The following ERCC6L2 variants were observed in gnomAD, a reference collection of about 807,000 sequenced individuals.
ERCC6L2 encodes ERCC excision repair 6 like 2.
In ERCC6L2, 77 loss-of-function variants were observed where a neutral mutation model predicts 132.0. The observed-to-expected ratio is 0.58, with a 90% CI of 0.49 to 0.71. The LOEUF is 0.71. Among genes scored for constraint, ERCC6L2 ranks in the 30% least tolerant of loss-of-function variants. The probability of loss-of-function intolerance (pLI) is 0.00; values close to 1 mark genes in which losing one functional copy is unlikely to be tolerated. For missense variants in ERCC6L2, 1,542 were observed against 1,837.6 expected, an observed-to-expected ratio of 0.84 and a Z score of 2.94; for synonymous variants, 583 against 632.4, an observed-to-expected ratio of 0.92 and a Z score of 1.17.
At position 95,970,628 on chromosome 9, in the gene ERCC6L2, A is replaced by G; in HGVS notation, c.2153A>G (p.Glu718Gly). ...GIMTATTWLK[E>G]GPPAHKLEMP... ...ATGACAGCCACAACATGGTTGAAAG[A>G]GGGACCTCCAGCACACAAACTGGAA... The change falls in exon 15 of 19, where the codon GAG (glutamate) becomes GGG (glycine). Residue 718 changes from glutamate to glycine, a missense_variant. Glu to Gly is a moderately conservative substitution (Grantham distance 98, BLOSUM62 -2). Coordinates refer to ENST00000653738, the MANE Select transcript of ERCC6L2 (RefSeq NM_020207.7). 1 of 1,303,938 alleles carries G rather than the reference A, an allele frequency of 7.7e-7. No individual in the cohort carries two copies. The highest frequency in any genetic ancestry group is 1.2e-5 in the South Asian group (1 of 80,908). The allele number at this position is 1,303,938 out of a possible 1,614,324, so 80.8% of individuals were successfully genotyped here. A position where few individuals can be genotyped will look rare whatever the true frequency, so the allele number is the denominator to read the frequency against.
At chr9:95,910,689 T>C (rs1477698681) in intron 4 of ERCC6L2, among the ~76,000 whole-genome samples, 1 of 152,212 alleles carries the variant, frequency 6.6e-6, no homozygotes, top group East Asian at 1.9e-4. Flanking sequence ...TGAATATAAT[T>C]ATTGGTAAAA....
At chr9:95,981,634 G>A (rs1489773662) in intron 17 of ERCC6L2, among the ~76,000 whole-genome samples, 2 of 152,146 alleles carry the variant, frequency 1.3e-5, no homozygotes, top group African/African-American at 4.8e-5. Context: ...GTCTGACTTA[G>A]GTTTAAGCTC....
At chr9:95,946,001 A>C (rs542084212) in intron 12 of ERCC6L2, among the ~76,000 whole-genome samples, 1 of 152,014 alleles carries the variant, frequency 6.6e-6, no homozygotes, top group South Asian at 2.1e-4. Context: ...GAAGTTGAAA[A>C]TAAGATAAAA....
At position 95,923,298 on chromosome 9, in the gene ERCC6L2, C is replaced by T; in HGVS notation, c.1452C>T (p.Ser484=). ...AAAGGATATGTGATCAGGTATTTTC[C>T]AGATTCCCAGATTTTGTGCAGAAAA... is the stretch of plus-strand genomic sequence containing the variant. The part of the protein sequence containing the change: ...LIKRICDQVF[S]RFPDFVQKSK... Residue 484 remains serine (S), a synonymous_variant, in exon 9 of 19, where the codon TCC becomes TCT. Coordinates refer to ENST00000653738, the MANE Select transcript of ERCC6L2 (RefSeq NM_020207.7). 1 of 1,613,782 alleles carries T rather than the reference C, an allele frequency of 6.2e-7. No homozygotes were observed. The highest frequency in any genetic ancestry group is 8.5e-7 in the Non-Finnish European group (1 of 1,179,830).
In ERCC6L2 at chr9:95,973,235, T is replaced by C. The variant is rs935517236; in HGVS notation, c.3337+147T>C. ...AATAAGGAACGGTTGGGTAGCAGGA[T>C]AAATGGGAGACCACATATAGGTCAA... is the stretch of plus-strand genomic sequence containing the variant. On this transcript the variant is annotated intron_variant, in intron 16 of 18. Transcript: ENST00000653738. 2.4e-5 allele frequency: 11 copies of C among 463,368 alleles called. No individual in the cohort carries two copies. In the Admixed American group the frequency reaches 3.2e-4, roughly 13 times the overall value. The allele number at this position is 463,368 out of a possible 1,614,324, so 28.7% of individuals were successfully genotyped here.
At position 96,016,209 on chromosome 9, in the gene ERCC6L2, G is replaced by C. The variant is rs12001300; in HGVS notation, c.*3006G>C. 7.9e-5 allele frequency among the ~76,000 whole-genome samples: 12 copies of C among 152,160 alleles called. No individual in the cohort carries two copies. Among genetic ancestry groups the C allele is most frequent in the African/African-American group, 2.9e-4 (12 of 41,446 alleles). On this transcript the variant is annotated 3_prime_UTR_variant, in exon 19 of 19. Coordinates refer to ENST00000653738, the MANE Select transcript of ERCC6L2 (RefSeq NM_020207.7). ...TGATGGATTAGATCAGTGGTGGTCA[G>C]CCATTTTCTTAAAGCAACTGAACTG...
downstream of ERCC6L2, chr9:96,020,461 G>A: frequency 3.2e-6 from 1 of 316,176 alleles, no homozygotes. Context: ...TGACATGCCA[G>A]CAAAGGGCAA....
At chr9:96,023,965 A>G (rs1255421055) in intron 19 of ERCC6L2, among the ~76,000 whole-genome samples, 2 of 152,202 alleles carry the variant, frequency 1.3e-5, no homozygotes, top group African/African-American at 4.8e-5. Context: ...TCTCTTCCTC[A>G]TGATGGGTAT....
intron 1 of ERCC6L2, among the ~76,000 whole-genome samples, chr9:95,878,320 A>G (rs1827398794): frequency 6.6e-6 from 1 of 152,248 alleles, no homozygotes; most frequent in Non-Finnish European, 1.5e-5. Context: ...AATGTTTGCC[A>G]GCCTTTGCTT....
Position 95,881,170 on chromosome 9 carries a change from T to G in ERCC6L2, c.348T>G (p.Pro116=), listed in dbSNP as rs2132514367. 1 of 1,613,598 alleles carries G rather than the reference T, an allele frequency of 6.2e-7. No individual in the cohort carries two copies. Among genetic ancestry groups the G allele is most frequent in the Non-Finnish European group, 8.5e-7 (1 of 1,179,836 alleles). The change falls in exon 2 of 19, where the codon CCT becomes CCG. Residue 116 remains proline (P), a synonymous_variant. Coordinates refer to ENST00000653738, the MANE Select transcript of ERCC6L2 (RefSeq NM_020207.7). ...TATCTGACAATGGAGACTCTATTCCTTATACCATCAATAGGTATTTGAGAG... is the reference window on the plus strand; with the variant it reads ...TATCTGACAATGGAGACTCTATTCCGTATACCATCAATAGGTATTTGAGAG... ...FKLSDNGDSI[P]YTINRYLRDY...
chr9:95,966,843 GA>G (rs1832183558), intron 14 of ERCC6L2, 129 bp downstream of exon 14: 1 of 647,532 alleles, frequency 1.5e-6, no homozygotes, highest in Non-Finnish European at 2.3e-6. Context: ...AAATGCCTTG[GA>G]ATTTTTACTT....
intron 19 of ERCC6L2, among the ~76,000 whole-genome samples, chr9:96,028,559 CAGAG>C (rs1417272917): frequency 6.6e-6 from 1 of 152,168 alleles, no homozygotes; most frequent in Non-Finnish European, 1.5e-5. Flanking sequence ...CCTTCTGTCT[CAGAG>C]AGGTTGTCCT....
rs376456436 is a variant in ERCC6L2 at position 95,978,228 on chromosome 9, T to C, written c.3492+13T>C. ...TTGCAGTTCTAAGGTAAGAAAAATA[T>C]AGGGTAGTATCATCTTTAGTTACCT... On this transcript the variant is annotated intron_variant, in intron 17 of 18. Transcript: ENST00000653738. The C allele has an allele frequency of 5.9e-6, 8 of 1,348,862 alleles. No homozygotes were observed. Among genetic ancestry groups the C allele is most frequent in the Admixed American group, 2.0e-5 (1 of 49,428 alleles). The allele number at this position is 1,348,862 out of a possible 1,614,324, so 83.6% of individuals were successfully genotyped here. A position where few individuals can be genotyped will look rare whatever the true frequency, so the allele number is the denominator to read the frequency against.
chr9:95,953,436 C>T (rs557924157), intron 12 of ERCC6L2, among the ~76,000 whole-genome samples: 8 of 151,914 alleles, frequency 5.3e-5, no homozygotes, highest in African/African-American at 1.2e-4. Flanking sequence ...AATAGCTGGG[C>T]GTGGTGGTGG....
At chr9:95,966,738 T>A (rs897735895) in intron 14 of ERCC6L2, 24 bp downstream of exon 14, 5 of 1,382,288 alleles carry the variant, frequency 3.6e-6, no homozygotes, top group Middle Eastern at 1.9e-4. Context: ...CTCTGACCTT[T>A]TCAATAATAT....
At chr9:95,895,711 T>C (rs1419787326) in intron 2 of ERCC6L2, among the ~76,000 whole-genome samples, 1 of 151,742 alleles carries the variant, frequency 6.6e-6, no homozygotes, top group African/African-American at 2.4e-5. Flanking sequence ...CTGACTCATA[T>C]ACATTTGTTG....
chr9:95,904,789 G>A (rs1189022206), intron 3 of ERCC6L2, among the ~76,000 whole-genome samples: 1 of 152,104 alleles, frequency 6.6e-6, no homozygotes, highest in Non-Finnish European at 1.5e-5. Context: ...GGTTCCTGAG[G>A]AATCAGATTT....
intron 13 of ERCC6L2, among the ~76,000 whole-genome samples, chr9:95,960,391 G>A (rs191489136): frequency 1.3e-5 from 2 of 152,114 alleles, no homozygotes; most frequent in Non-Finnish European, 2.9e-5. Flanking sequence ...ATTGTAAATG[G>A]TACTTTATAT....
At chr9:96,004,865 A>G (rs889580172) in intron 18 of ERCC6L2, 164 bp downstream of exon 18, 13 of 403,094 alleles carry the variant, frequency 3.2e-5, no homozygotes, top group Non-Finnish European at 5.9e-5. Context: ...AGATGTTGTT[A>G]GAAGGCTAAT....
Sources: gnomAD v4.1 joint callset for allele counts (sites outside exome capture counted in the v4.1 genomes callset) on GRCh38, gnomAD v4.1.1 for gene constraint, MANE v1.5 for transcripts, NCBI Gene and HGNC (gene_info 2026-07-23, HGNC 2026-07-21) for gene names.